Variants in NRXN3 observed in about 807,000 individuals in gnomAD.
NRXN3 encodes the protein neurexin 3, also known as neurexin III.
In NRXN3, 32 loss-of-function variants were observed where a neutral mutation model predicts 137.6. The observed-to-expected ratio is 0.23, with a 90% CI of 0.18 to 0.31. The LOEUF is 0.31. Among genes scored for constraint, NRXN3 ranks in the 10% least tolerant of loss-of-function variants. The pLI is 1.00. For synonymous variants in NRXN3, 798 were observed against 784.5 expected (o/e 1.02, Z -0.29); for missense variants, 1,574 against 2,062.5 (o/e 0.76, Z 4.59).
At position 79,800,947 on chromosome 14, in the gene NRXN3, A is replaced by G. The variant is rs543947422; in HGVS notation, c.4015-4165A>G. 2.5e-4 allele frequency among the ~76,000 whole-genome samples: 38 copies of G among 152,336 alleles called. No individual in the cohort carries two copies. In the South Asian group the frequency reaches 7.5e-3, roughly 30 times the overall value. ...GACAAAAGTAGTTTCAAAAAAGTCT[A>G]AGTGTAGCATTCCTAATTCTAAGCC... On this transcript the variant is annotated intron_variant, in intron 19 of 20. Transcript: ENST00000335750.
At chr14:78,818,953 T>G (rs552724102) in intron 10 of NRXN3, among the ~76,000 whole-genome samples, 1 of 152,280 alleles carries the variant, frequency 6.6e-6, no homozygotes, top group East Asian at 1.9e-4. Flanking sequence ...AATTCAACAT[T>G]CAATTCAACA....
chr14:79,655,236 G>T (rs1434801632), intron 16 of NRXN3, among the ~76,000 whole-genome samples: 1 of 152,148 alleles, frequency 6.6e-6, no homozygotes, highest in Non-Finnish European at 1.5e-5. Flanking sequence ...AGGGAACAGG[G>T]TTACCAAGAC....
At chr14:79,410,370 A>G (rs1475991876) in intron 15 of NRXN3, among the ~76,000 whole-genome samples, 3 of 152,020 alleles carry the variant, frequency 2.0e-5, no homozygotes, top group African/African-American at 4.8e-5. Context: ...TGAATCATCA[A>G]TGTATTATTT....
intron 1 of NRXN3, among the ~76,000 whole-genome samples, chr14:78,232,496 G>A (rs1313825387): frequency 3.9e-5 from 6 of 152,060 alleles, no homozygotes; most frequent in Non-Finnish European, 7.4e-5. Flanking sequence ...GAAAAGACTC[G>A]TAAATTGCAC....
intron 4 of NRXN3, among the ~76,000 whole-genome samples, chr14:78,532,845 T>C (rs2096487223): frequency 6.6e-6 from 1 of 152,104 alleles, no homozygotes; most frequent in Non-Finnish European, 1.5e-5. Context: ...CAATGATTTA[T>C]TTTTCCACCA....
At chr14:78,391,932 A>G (rs147017270) in intron 4 of NRXN3, among the ~76,000 whole-genome samples, 69 of 152,240 alleles carry the variant, frequency 4.5e-4, no homozygotes, top group African/African-American at 1.6e-3. Context: ...TCCAGCCTCA[A>G]GATATTTCAT....
intron 10 of NRXN3, among the ~76,000 whole-genome samples, chr14:78,858,188 G>T (rs1414058756): frequency 6.6e-6 from 1 of 152,138 alleles, no homozygotes; most frequent in Non-Finnish European, 1.5e-5. Flanking sequence ...GGTGGTGCTG[G>T]TAAAGTCTGT....
chr14:78,200,306 G>T (rs1365079175), intron 1 of NRXN3, among the ~76,000 whole-genome samples: 1 of 152,178 alleles, frequency 6.6e-6, no homozygotes, highest in African/African-American at 2.4e-5. Context: ...TATGGTTGCC[G>T]ATGCGGAAGG....
chr14:78,549,619 A>T (rs1170264501), intron 4 of NRXN3, among the ~76,000 whole-genome samples: 2 of 152,182 alleles, frequency 1.3e-5, no homozygotes, highest in Non-Finnish European at 2.9e-5. Flanking sequence ...TATTTTTTGA[A>T]TAAAAAAATA....
At chr14:79,056,795 G>A (rs1408549499) in intron 15 of NRXN3, among the ~76,000 whole-genome samples, 1 of 152,206 alleles carries the variant, frequency 6.6e-6, no homozygotes, top group Non-Finnish European at 1.5e-5. Flanking sequence ...AAGGCATAAG[G>A]CAATAAGTAC....
At chr14:79,799,560 T>G (rs1401734165) in intron 19 of NRXN3, among the ~76,000 whole-genome samples, 1 of 152,188 alleles carries the variant, frequency 6.6e-6, no homozygotes, top group African/African-American at 2.4e-5. Flanking sequence ...CACACTGTCA[T>G]TCTAGTCCAT....
chr14:78,816,930 A>G (rs184756803), intron 10 of NRXN3, among the ~76,000 whole-genome samples: 18 of 152,346 alleles, frequency 1.2e-4, no homozygotes, highest in African/African-American at 3.8e-4. Context: ...AAATATACAT[A>G]GGGATCATTG....
intron 20 of NRXN3, among the ~76,000 whole-genome samples, chr14:79,818,583 A>G (rs2099260597): frequency 6.6e-6 from 1 of 152,010 alleles, no homozygotes; most frequent in African/African-American, 2.4e-5. Context: ...AACAAAACGA[A>G]CTTGTATTTC....
At chr14:78,838,837 T>A (rs2099004219) in intron 10 of NRXN3, among the ~76,000 whole-genome samples, 1 of 152,136 alleles carries the variant, frequency 6.6e-6, no homozygotes, top group South Asian at 2.1e-4. Flanking sequence ...CCAAGAGCTG[T>A]GCAGGGGTAG....
chr14:79,342,612 A>G (rs1419349743), intron 15 of NRXN3, among the ~76,000 whole-genome samples: 2 of 151,550 alleles, frequency 1.3e-5, no homozygotes, highest in Admixed American at 6.6e-5. Context: ...GAGAATTTCT[A>G]TTTATTTTCC....
At chr14:79,037,547 A>C (rs757345804) in intron 15 of NRXN3, among the ~76,000 whole-genome samples, 1 of 152,150 alleles carries the variant, frequency 6.6e-6, no homozygotes, top group Admixed American at 6.6e-5. Context: ...AAGGCATTTT[A>C]ATTCTAAAGA....
At chr14:79,538,050 G>A (rs1196974342) in intron 16 of NRXN3, among the ~76,000 whole-genome samples, 2 of 152,174 alleles carry the variant, frequency 1.3e-5, no homozygotes, top group East Asian at 1.9e-4. Flanking sequence ...CGGTGATGAT[G>A]AGCATTTTTT....
Position 78,242,866 on chromosome 14 carries a change from A to G in NRXN3, c.-228A>G. ...TCTTCTGCTGGTCCTGTCTTTTTCT[A>G]CTGCCTCTTTATTCAATTTCTTGCT... On this transcript the variant is annotated 5_prime_UTR_variant, in exon 2 of 21. Transcript: ENST00000335750. 1 of 465,264 alleles carries G rather than the reference A, an allele frequency of 2.1e-6. No individual in the cohort carries two copies. Among genetic ancestry groups the G allele is most frequent in the Non-Finnish European group, 3.7e-6 (1 of 266,730 alleles). 28.8% of individuals were successfully genotyped at this position (465,264 alleles called of 1,614,324 possible).
At chr14:78,440,445 C>CA (rs5809887) in intron 4 of NRXN3, among the ~76,000 whole-genome samples, 15,330 of 147,342 alleles carry the variant, frequency 0.1, 1,088 homozygotes, top group African/African-American at 0.2. Context: ...CCTTGAGATG[C>CA]AAAAAAAAAA....
Sources: allele counts gnomAD v4.1 joint callset (sites outside exome capture counted in the v4.1 genomes callset), GRCh38; gene constraint gnomAD v4.1.1; transcripts MANE v1.5; gene names NCBI Gene and HGNC (gene_info 2026-07-23, HGNC 2026-07-21).